NRXN3: variants seen among roughly 807,000 people sequenced by gnomAD.
The protein encoded by NRXN3 is neurexin 3.
In NRXN3, 32 loss-of-function variants were observed where a neutral mutation model predicts 137.6. The ratio of observed to expected loss-of-function variants is 0.23; its 90% CI spans 0.18 to 0.31. NRXN3 has a LOEUF of 0.31. Ranked by LOEUF, NRXN3 falls within the 10% of genes least tolerant of loss-of-function variation. NRXN3 has a pLI of 1.00. For missense variants in NRXN3, 1,574 were observed against 2,062.5 expected (o/e 0.76, Z 4.59); for synonymous variants, 798 against 784.5 (o/e 1.02, Z -0.29).
chr14:79,504,641 T>TTATATATATATATA (rs59363016), intron 16 of NRXN3, among the ~76,000 whole-genome samples: 1 of 97,876 alleles, frequency 1.0e-5, no homozygotes, highest in African/African-American at 3.7e-5. Flanking sequence ...ATGAAGTTTT[T>TTATATATATATATA]TATATATATA....
chr14:79,133,452 A>G (rs935792301), intron 15 of NRXN3, among the ~76,000 whole-genome samples: 4 of 152,078 alleles, frequency 2.6e-5, no homozygotes, highest in African/African-American at 9.7e-5. Context: ...CTTTATTCTT[A>G]TCTATGAAAG....
intron 15 of NRXN3, among the ~76,000 whole-genome samples, chr14:79,133,024 C>T (rs1225123042): frequency 6.6e-6 from 1 of 152,202 alleles, no homozygotes; most frequent in East Asian, 1.9e-4. Context: ...CTGAGGCCAA[C>T]CCTGAAGGCG....
intron 10 of NRXN3, among the ~76,000 whole-genome samples, chr14:78,874,299 A>G (rs923075473): frequency 6.6e-6 from 1 of 152,156 alleles, no homozygotes; most frequent in Non-Finnish European, 1.5e-5. Flanking sequence ...ATAGTTGATC[A>G]TAAGAACCTT....
chr14:78,287,207 T>C (rs775255567), intron 3 of NRXN3, among the ~76,000 whole-genome samples: 3 of 152,160 alleles, frequency 2.0e-5, no homozygotes, highest in Non-Finnish European at 4.4e-5. Flanking sequence ...ACATATATCA[T>C]GAGTAGTGTG....
chr14:79,218,049 A>G (rs1437036307), intron 15 of NRXN3, among the ~76,000 whole-genome samples: 1 of 152,230 alleles, frequency 6.6e-6, no homozygotes, highest in Non-Finnish European at 1.5e-5. Flanking sequence ...CAGAAAGCTG[A>G]AAGGGACCTG....
chr14:78,959,088 G>A (rs1156622918), intron 11 of NRXN3, among the ~76,000 whole-genome samples: 2 of 152,052 alleles, frequency 1.3e-5, no homozygotes, highest in Non-Finnish European at 2.9e-5. Context: ...TTATATTCAT[G>A]AGCCTGAGTT....
At chr14:79,309,201 G>A (rs1311916333) in intron 15 of NRXN3, among the ~76,000 whole-genome samples, 111 of 38,952 alleles carry the variant, frequency 2.8e-3, no homozygotes, top group Non-Finnish European at 4.1e-3. Flanking sequence ...TTGTTCTTGC[G>A]ATAGTTTACT....
chr14:78,968,141 C>T lies in NRXN3; in HGVS notation c.2969-32C>T, dbSNP rs776727392. 33 of 1,343,312 alleles carry T rather than the reference C, an allele frequency of 2.5e-5. 1 individual carries two copies. The South Asian group carries it at 3.9e-4, about 16-fold the overall frequency. 83.2% of individuals were successfully genotyped at this position (1,343,312 alleles called of 1,614,324 possible). A position where few individuals can be genotyped will look rare whatever the true frequency, so the allele number is the denominator to read the frequency against. On this transcript the variant is annotated intron_variant, in intron 13 of 20. Coordinates refer to ENST00000335750, the MANE Select transcript of NRXN3 (RefSeq NM_001330195.2). The stretch of plus-strand genomic sequence containing the variant: ...TGACATGGTCACCACATCCTTTACT[C>T]ATTCTCTTTTGCTAATTACTTTCCT...
intron 15 of NRXN3, among the ~76,000 whole-genome samples, chr14:79,466,133 T>C (rs922561425): frequency 6.6e-6 from 1 of 152,216 alleles, no homozygotes; most frequent in Non-Finnish European, 1.5e-5. Context: ...CTAATCATAA[T>C]TGACAACTAC....
At chr14:78,971,291 C>T (rs1035668992) in intron 14 of NRXN3, among the ~76,000 whole-genome samples, 3 of 151,958 alleles carry the variant, frequency 2.0e-5, no homozygotes, top group African/African-American at 4.8e-5. Context: ...GGAAACAGAA[C>T]AAATTTCTTA....
At position 79,688,030 on chromosome 14, in the gene NRXN3, T is replaced by C. The variant is rs117760893; in HGVS notation, c.3617-4143T>C. ...GGAAGATGACTTTTGTGGGACCAAA[T>C]AGAATATGGTCATCTTTTGAATGAA... On this transcript the variant is annotated intron_variant, in intron 17 of 20. Transcript: ENST00000335750. Among the ~76,000 whole-genome samples, 1,380 of 152,212 alleles carry C rather than the reference T, an allele frequency of 9.1e-3. 9 individuals are homozygous for C. Among genetic ancestry groups the C allele is most frequent in the South Asian group, 0.019 (90 of 4,820 alleles).
chr14:78,532,253 G>A (rs906210522), intron 4 of NRXN3, among the ~76,000 whole-genome samples: 1 of 151,360 alleles, frequency 6.6e-6, no homozygotes, highest in Non-Finnish European at 1.5e-5. Context: ...CCCAGGAGGC[G>A]GAAGTTCTGG....
chr14:79,701,377 C>T (rs1159943936), intron 19 of NRXN3, among the ~76,000 whole-genome samples: 2 of 152,106 alleles, frequency 1.3e-5, no homozygotes, highest in Admixed American at 1.3e-4. Flanking sequence ...CAAGGCAATT[C>T]TTCTGTGCCA....
At chr14:79,032,620 A>G (rs1353316291) in intron 15 of NRXN3, among the ~76,000 whole-genome samples, 1 of 152,202 alleles carries the variant, frequency 6.6e-6, no homozygotes, top group Non-Finnish European at 1.5e-5. Flanking sequence ...AAGCCACACC[A>G]TAACTGACTT....
At chr14:79,647,058 A>G (rs1253609759) in intron 16 of NRXN3, among the ~76,000 whole-genome samples, 1 of 135,816 alleles carries the variant, frequency 7.4e-6, no homozygotes, top group African/African-American at 2.5e-5. Context: ...CACAAGCAGT[A>G]AAGTTTGCTG....
At chr14:78,885,026 TG>T (rs1353290821) in intron 10 of NRXN3, among the ~76,000 whole-genome samples, 2 of 151,918 alleles carry the variant, frequency 1.3e-5, no homozygotes, top group Admixed American at 1.3e-4. Context: ...TCAGATTATT[TG>T]ACTTTAATAA....
Position 78,471,332 on chromosome 14 carries a change from A to ACC in NRXN3, c.757+173476_757+173477dup, listed in dbSNP as rs869228745. Among the ~76,000 whole-genome samples the ACC allele has an allele frequency of 1.0e-3, 23 of 22,098 alleles. No individual in the cohort carries two copies. The East Asian group carries it at 0.017, about 17-fold the overall frequency. 14.5% of individuals were successfully genotyped at this position (22,098 alleles called of 152,430 possible). ...CACACACACACACACACACACACAC[A>ACC]CCCCCAAGAAATTCACCTCTGGCTC... is the stretch of plus-strand genomic sequence containing the variant. On this transcript the variant is annotated intron_variant, in intron 4 of 20. Coordinates refer to ENST00000335750, the MANE Select transcript of NRXN3 (RefSeq NM_001330195.2).
chr14:78,576,020 T>C (rs2096932478), intron 4 of NRXN3, among the ~76,000 whole-genome samples: 1 of 152,264 alleles, frequency 6.6e-6, no homozygotes, highest in South Asian at 2.1e-4. Context: ...TAAATGTCAC[T>C]GATGGAGAAA....
At chr14:79,573,372 C>T (rs555248735) in intron 16 of NRXN3, among the ~76,000 whole-genome samples, 77 of 152,194 alleles carry the variant, frequency 5.1e-4, no homozygotes, top group Admixed American at 1.8e-3. Context: ...CGGGAGAGTA[C>T]GCAGCTCTTC....
Sources: allele counts gnomAD v4.1 joint callset (sites outside exome capture counted in the v4.1 genomes callset), GRCh38; gene constraint gnomAD v4.1.1; transcripts MANE v1.5; gene names NCBI Gene and HGNC (gene_info 2026-07-23, HGNC 2026-07-21).